The following RBFOX1 variants were observed in gnomAD, a reference collection of about 807,000 sequenced individuals.
RBFOX1 encodes the protein RNA binding fox-1 homolog 1.
RBFOX1 carries 8 observed loss-of-function variants against 57.7 expected under a neutral mutation model. The ratio of observed to expected loss-of-function variants is 0.14; its 90% CI spans 0.08 to 0.25. The LOEUF (loss-of-function observed/expected upper bound fraction) is 0.25. Among genes scored for constraint, RBFOX1 ranks in the 10% least tolerant of loss-of-function variants. RBFOX1 has a pLI of 1.00. For missense variants in RBFOX1, 611 were observed against 548.5 expected (o/e 1.11, Z -1.14); for synonymous variants, 326 against 222.4 (o/e 1.47, Z -4.15).
intron 3 of RBFOX1, among the ~76,000 whole-genome samples, chr16:5,689,503 G>GT (rs2050604022): frequency 6.6e-6 from 1 of 152,156 alleles, no homozygotes; most frequent in South Asian, 2.1e-4. Context: ...AGATTGTCTG[G>GT]TATGTGGGAA....
At chr16:7,070,569 CTT>C (rs1185262595) in intron 4 of RBFOX1, among the ~76,000 whole-genome samples, 1 of 152,182 alleles carries the variant, frequency 6.6e-6, no homozygotes, top group Admixed American at 6.5e-5. Flanking sequence ...ACACTGAACT[CTT>C]TTCAAGATAG....
intron 3 of RBFOX1, among the ~76,000 whole-genome samples, chr16:5,627,437 C>A (rs1458529603): frequency 6.6e-6 from 1 of 151,748 alleles, no homozygotes. Context: ...GTGTGTGTGT[C>A]CCAAAGGGGG....
chr16:7,245,633 C>G (rs748904212), intron 4 of RBFOX1, among the ~76,000 whole-genome samples: 67 of 152,148 alleles, frequency 4.4e-4, no homozygotes, highest in Non-Finnish European at 7.1e-4. Context: ...AGAGAAAGAG[C>G]TATGCTGATA....
At chr16:5,662,446 C>T (rs903228590) in intron 3 of RBFOX1, among the ~76,000 whole-genome samples, 1 of 152,092 alleles carries the variant, frequency 6.6e-6, no homozygotes, top group Non-Finnish European at 1.5e-5. Flanking sequence ...TTCTGGAAAA[C>T]TCCCCCATAC....
intron 2 of RBFOX1, among the ~76,000 whole-genome samples, chr16:6,417,459 G>T (rs1430661701): frequency 8.3e-6 from 1 of 120,784 alleles, no homozygotes; most frequent in African/African-American, 3.2e-5. Context: ...GCACTGTGTT[G>T]GCTCACTGCA....
intron 1 of RBFOX1, among the ~76,000 whole-genome samples, chr16:5,324,386 C>T (rs546843161): frequency 6.6e-6 from 1 of 152,222 alleles, no homozygotes; most frequent in East Asian, 1.9e-4. Context: ...TCACTTGAAC[C>T]CAGGAGGCAG....
chr16:7,340,809 G>A (rs1603624781), intron 4 of RBFOX1, among the ~76,000 whole-genome samples: 1 of 152,292 alleles, frequency 6.6e-6, no homozygotes, highest in South Asian at 2.1e-4. Context: ...TAAATTAAGA[G>A]ATTAAAGGGA....
intron 2 of RBFOX1, among the ~76,000 whole-genome samples, chr16:6,452,747 C>G (rs909403135): frequency 6.6e-6 from 1 of 152,164 alleles, no homozygotes. Context: ...TAAAGTGGAT[C>G]CTTGTGCCTT....
chr16:5,352,813 T>TGGTG (rs1315344169), intron 1 of RBFOX1, among the ~76,000 whole-genome samples: 6 of 151,936 alleles, frequency 3.9e-5, no homozygotes, highest in Admixed American at 3.9e-4. Flanking sequence ...CATGGTGGCA[T>TGGTG]GCACCTGTAG....
At chr16:6,556,983 G>C (rs113547952) in intron 2 of RBFOX1, among the ~76,000 whole-genome samples, 5 of 136,916 alleles carry the variant, frequency 3.7e-5, no homozygotes, top group Non-Finnish European at 6.1e-5. Flanking sequence ...ACACACATAC[G>C]TATATATACA....
At chr16:5,508,032 G>GA (rs1201961038) in intron 2 of RBFOX1, among the ~76,000 whole-genome samples, 1 of 152,136 alleles carries the variant, frequency 6.6e-6, no homozygotes, top group African/African-American at 2.4e-5. Flanking sequence ...CAGGAGTGGG[G>GA]AAAAATGTAG....
At chr16:5,401,987 C>G (rs1006005562) in intron 1 of RBFOX1, among the ~76,000 whole-genome samples, 4 of 152,128 alleles carry the variant, frequency 2.6e-5, no homozygotes, top group African/African-American at 7.2e-5. Flanking sequence ...CACAATGAAA[C>G]TGGATAATTC....
intron 5 of RBFOX1, among the ~76,000 whole-genome samples, chr16:7,543,874 C>T (rs1303149160): frequency 8.1e-6 from 1 of 123,774 alleles, no homozygotes; most frequent in Non-Finnish European, 1.8e-5. Context: ...GCACGCACCA[C>T]CACGCCCAGC....
At chr16:6,021,388 A>C (rs1596444327) in intron 1 of RBFOX1, among the ~76,000 whole-genome samples, 1 of 152,058 alleles carries the variant, frequency 6.6e-6, no homozygotes, top group Non-Finnish European at 1.5e-5. Flanking sequence ...GGATTCTTTC[A>C]ATTTTTAAGT....
At chr16:7,145,452 C>G (rs527715542) in intron 4 of RBFOX1, among the ~76,000 whole-genome samples, 4 of 152,296 alleles carry the variant, frequency 2.6e-5, no homozygotes, top group Admixed American at 1.3e-4. Context: ...AGTGATCCAC[C>G]TCCCTCGGCC....
intron 2 of RBFOX1, chr16:5,598,767 GGA>G: frequency 1.5e-6 from 1 of 671,702 alleles, no homozygotes; most frequent in Non-Finnish European, 2.5e-6. Flanking sequence ...GGGGATGGGT[GGA>G]GAGACAGAGG....
At chr16:7,003,231 T>G in intron 3 of RBFOX1, among the ~76,000 whole-genome samples, 1 of 151,802 alleles carries the variant, frequency 6.6e-6, no homozygotes, top group East Asian at 1.9e-4. Context: ...GAGGCCGAGG[T>G]GGGTGGATCA....
At chr16:6,813,904 C>T (rs1164713787) in intron 3 of RBFOX1, among the ~76,000 whole-genome samples, 2 of 152,084 alleles carry the variant, frequency 1.3e-5, no homozygotes, top group African/African-American at 4.8e-5. Context: ...AGATAATGGT[C>T]CAGACTGGTT....
chr16:6,607,973 C>G (rs1000224600), intron 2 of RBFOX1, among the ~76,000 whole-genome samples: 1 of 152,176 alleles, frequency 6.6e-6, no homozygotes, highest in Non-Finnish European at 1.5e-5. Flanking sequence ...AAAACCTTAA[C>G]TCTGACCCTT....
Sources: gnomAD v4.1 joint callset for allele counts (sites outside exome capture counted in the v4.1 genomes callset) on GRCh38, gnomAD v4.1.1 for gene constraint, MANE v1.5 for transcripts, NCBI Gene and HGNC (gene_info 2026-07-23, HGNC 2026-07-21) for gene names.